Variants in SRC observed in about 807,000 individuals in gnomAD.
SRC encodes the protein SRC proto-oncogene, non-receptor tyrosine kinase, also known as proto-oncogene tyrosine-protein kinase Src.
A neutral mutation model predicts 62.9 loss-of-function variants in SRC; 13 were observed. The ratio of observed to expected loss-of-function variants is 0.21; its 90% CI spans 0.13 to 0.33. The LOEUF (loss-of-function observed/expected upper bound fraction) is 0.33. Ranked by LOEUF, SRC falls within the 10% of genes least tolerant of loss-of-function variation. SRC has a pLI of 1.00. For synonymous variants in SRC, 302 were observed against 317.5 expected (o/e 0.95, Z 0.52); for missense variants, 457 against 737.3 (o/e 0.62, Z 4.40).
chr20:37,350,742 T>C (rs2069789437), intron 1 of SRC, among the ~76,000 whole-genome samples: 1 of 152,152 alleles, frequency 6.6e-6, no homozygotes, highest in Non-Finnish European at 1.5e-5. Context: ...AGATATTATC[T>C]AGTTTAGGGA....
At position 37,401,588 on chromosome 20, in the gene SRC, C is replaced by T. The variant is rs776289688; in HGVS notation, c.1040-14C>T. 3 of 1,605,358 alleles carry T rather than the reference C, an allele frequency of 1.9e-6. No individual in the cohort carries two copies. Among genetic ancestry groups the T allele is most frequent in the Non-Finnish European group, 2.6e-6 (3 of 1,174,812 alleles). ...GACAGGGCAGGAGCTGGAGCTGGGT[C>T]TCTCTCTGCCCAGGGAGTTTGCTGG... On this transcript the variant is annotated splice_polypyrimidine_tract_variant and intron_variant, in intron 10 of 13. Transcript: ENST00000373578.
At chr20:37,392,108 T>C (rs983679275) in intron 5 of SRC, among the ~76,000 whole-genome samples, 5 of 151,932 alleles carry the variant, frequency 3.3e-5, no homozygotes, top group Non-Finnish European at 7.4e-5. Flanking sequence ...CTTGCCTCCT[T>C]ACTCCCGGGC....
chr20:37,371,970 G>C (rs1266196468), intron 2 of SRC, among the ~76,000 whole-genome samples: 1 of 152,038 alleles, frequency 6.6e-6, no homozygotes, highest in Non-Finnish European at 1.5e-5. Context: ...CAAAGTGCTA[G>C]GATTACAAGT....
At position 37,351,098 on chromosome 20, in the gene SRC, G is replaced by A. The variant is rs1360801111; in HGVS notation, c.-247+4843G>A. On this transcript the variant is annotated intron_variant, in intron 1 of 13. Coordinates refer to ENST00000373578, the MANE Select transcript of SRC (RefSeq NM_198291.3). The surrounding 1 kb of genome is among the most constrained non-coding windows in gnomAD (Gnocchi z 4.4). ...AAGGCTGAGTCAGGGATAGATGACC[G>A]GGGAGGATCTCAGAGCTGGGAGCCA... 1.3e-5 allele frequency among the ~76,000 whole-genome samples: 2 copies of A among 152,304 alleles called. No homozygotes were observed. The highest frequency in any genetic ancestry group is 1.9e-4 in the East Asian group (1 of 5,188).
Position 37,396,533 on chromosome 20 carries a change from C to T in SRC, c.703+222C>T. ...GCCCCCCTCCTCCCTGTCCCCCTCT[C>T]TCCCTGCTCCACGCAGTGTCCCACT... On this transcript the variant is annotated intron_variant, in intron 8 of 13. Coordinates refer to ENST00000373578, the MANE Select transcript of SRC (RefSeq NM_198291.3). This position sits in a 1 kb window ranked among gnomAD's most constrained non-coding sequence, Gnocchi z 6.1. 2 of 625,900 alleles carry T rather than the reference C, an allele frequency of 3.2e-6. No individual in the cohort carries two copies. The highest frequency in any genetic ancestry group is 5.6e-5 in the East Asian group (2 of 35,566). The allele number at this position is 625,900 out of a possible 1,614,324, so 38.8% of individuals were successfully genotyped here.
chr20:37,378,585 C>T (rs928721329), intron 2 of SRC, among the ~76,000 whole-genome samples: 1 of 152,192 alleles, frequency 6.6e-6, no homozygotes, highest in African/African-American at 2.4e-5. Context: ...CTTATCAGGC[C>T]ACTCTCAGCT....
chr20:37,392,474 T>C (rs142734700), intron 5 of SRC, among the ~76,000 whole-genome samples: 195 of 152,158 alleles, frequency 1.3e-3, no homozygotes, highest in African/African-American at 4.4e-3. Context: ...GGCCTTTCTC[T>C]CTCTGGGCCC....
chr20:37,363,511 T>C (rs150219801), intron 1 of SRC, among the ~76,000 whole-genome samples: 1 of 152,352 alleles, frequency 6.6e-6, no homozygotes, highest in African/African-American at 2.4e-5. Flanking sequence ...ATCCTGGCTG[T>C]CTGCCTTCTG....
chr20:37,361,301 C>T (rs1474529009), intron 1 of SRC, among the ~76,000 whole-genome samples: 4 of 152,162 alleles, frequency 2.6e-5, no homozygotes, highest in Non-Finnish European at 5.9e-5. Context: ...CTTACGATCA[C>T]CCGTCCCCAG....
intron 1 of SRC, among the ~76,000 whole-genome samples, chr20:37,355,320 G>T (rs754312197): frequency 3.5e-5 from 5 of 142,210 alleles, no homozygotes; most frequent in African/African-American, 7.8e-5. Context: ...TGCTGTTCCC[G>T]TTTCTCTCCT....
rs1324166560 is a variant in SRC, at chr20:37,404,853, G to A, written c.*1474G>A. On this transcript the variant is annotated 3_prime_UTR_variant, in exon 14 of 14. Coordinates refer to ENST00000373578, the MANE Select transcript of SRC (RefSeq NM_198291.3). ...TCTGTAAAGGGGCAGCTGACAGTTT[G>A]TGGCATCTTGCCAAGGGTCCCTGTG... 4.3e-6 allele frequency: 1 copy of A among 233,668 alleles called. No individual in the cohort carries two copies. Among genetic ancestry groups the A allele is most frequent in the African/African-American group, 2.2e-5 (1 of 45,336 alleles). The allele number at this position is 233,668 out of a possible 1,614,324, so 14.5% of individuals were successfully genotyped here. A position where few individuals can be genotyped will look rare whatever the true frequency, so the allele number is the denominator to read the frequency against.
intron 2 of SRC, among the ~76,000 whole-genome samples, chr20:37,368,244 C>T (rs1189360841): frequency 6.6e-6 from 1 of 151,960 alleles, no homozygotes; most frequent in African/African-American, 2.4e-5. Flanking sequence ...ATGGTGAAAC[C>T]CCGTCTCTAC....
At chr20:37,354,095 C>T (rs200398970) in intron 1 of SRC, among the ~76,000 whole-genome samples, 5 of 152,240 alleles carry the variant, frequency 3.3e-5, no homozygotes, top group South Asian at 2.1e-4. Context: ...AAGACCACCC[C>T]GTTATCCAGA....
intron 2 of SRC, among the ~76,000 whole-genome samples, chr20:37,369,411 T>C (rs554591348): frequency 6.6e-6 from 1 of 152,328 alleles, no homozygotes; most frequent in East Asian, 1.9e-4. Context: ...TATCATAAAT[T>C]TCCTTCTTAA....
At chr20:37,362,736 T>TG (rs533819330) in intron 1 of SRC, among the ~76,000 whole-genome samples, 8 of 141,186 alleles carry the variant, frequency 5.7e-5, no homozygotes, top group East Asian at 2.4e-4. Context: ...TGGGGTGGGG[T>TG]GGGGGGGTCT....
intron 5 of SRC, 81 bp downstream of exon 5, chr20:37,386,255 A>G (rs2070453632): frequency 2.9e-6 from 4 of 1,357,152 alleles, no homozygotes; most frequent in Non-Finnish European, 4.2e-6. Context: ...AGGATCTGGC[A>G]TCAGGGCAGC....
In SRC at chr20:37,351,868, G is replaced by A. The variant is rs1393114910; in HGVS notation, c.-247+5613G>A. On this transcript the variant is annotated intron_variant, in intron 1 of 13. Transcript: ENST00000373578. The surrounding 1 kb of genome is among the most constrained non-coding windows in gnomAD (Gnocchi z 4.4). ...CTTCTGGCTGCTGAGTAATTTGTGGGGATCTGATTCTTATTAAGTGTGTAC... is the reference window on the plus strand; with the variant it reads ...CTTCTGGCTGCTGAGTAATTTGTGGAGATCTGATTCTTATTAAGTGTGTAC... Among the ~76,000 whole-genome samples, 1 of 152,150 alleles carries A rather than the reference G, an allele frequency of 6.6e-6. No individual in the cohort carries two copies. The highest frequency in any genetic ancestry group is 1.9e-4 in the East Asian group (1 of 5,194).
chr20:37,365,944 A>T (rs2070056981), intron 2 of SRC, among the ~76,000 whole-genome samples: 1 of 151,754 alleles, frequency 6.6e-6, no homozygotes, highest in Admixed American at 6.6e-5. Context: ...AACACACACA[A>T]TTGACTTTTT....
At chr20:37,350,389 C>T (rs1568616202) in intron 1 of SRC, among the ~76,000 whole-genome samples, 1 of 152,212 alleles carries the variant, frequency 6.6e-6, no homozygotes, top group Non-Finnish European at 1.5e-5. Flanking sequence ...GATGCCCTGT[C>T]CTGTGATTCA....
Sources: gnomAD v4.1 joint callset for allele counts (sites outside exome capture counted in the v4.1 genomes callset) on GRCh38, gnomAD v4.1.1 for gene constraint, Gnocchi (gnomAD v3.1) non-coding constraint, MANE v1.5 for transcripts, NCBI Gene and HGNC (gene_info 2026-07-23, HGNC 2026-07-21) for gene names.